Variants in PCDH15 observed in about 807,000 individuals in gnomAD.
PCDH15 encodes protocadherin related 15, also known as protocadherin-15.
PCDH15 carries 129 observed loss-of-function variants against 178.5 expected under a neutral mutation model. The ratio of observed to expected loss-of-function variants is 0.72; its 90% CI spans 0.63 to 0.84. The LOEUF (loss-of-function observed/expected upper bound fraction) is 0.84, where lower values mean the gene tolerates loss of function less well. PCDH15 is among the 40% of genes least tolerant of loss of function. The probability of loss-of-function intolerance (pLI) is 0.00; values close to 1 mark genes in which losing one functional copy is unlikely to be tolerated. For missense variants in PCDH15, 2,230 were observed against 2,099.9 expected, an observed-to-expected ratio of 1.06 and a Z score of -1.21; for synonymous variants, 800 against 732.0, an observed-to-expected ratio of 1.09 and a Z score of -1.50.
intron 2 of PCDH15, among the ~76,000 whole-genome samples, chr10:54,625,756 CA>C (rs1191590016): frequency 6.6e-6 from 1 of 152,048 alleles, no homozygotes; most frequent in African/African-American, 2.4e-5. Context: ...AAATTGGTAC[CA>C]GTAGAGTGAA....
chr10:54,676,352 C>T (rs1259351998), intron 1 of PCDH15, among the ~76,000 whole-genome samples: 1 of 151,922 alleles, frequency 6.6e-6, no homozygotes, highest in Non-Finnish European at 1.5e-5. Flanking sequence ...ATCCCTATGT[C>T]TGAGTATACT....
chr10:54,961,431 A>G (rs1308338696), intron 2 of PCDH15, among the ~76,000 whole-genome samples: 1 of 152,190 alleles, frequency 6.6e-6, no homozygotes, highest in Non-Finnish European at 1.5e-5. Context: ...AGGTGGGAAT[A>G]GGCAGGTTTT....
intron 2 of PCDH15, among the ~76,000 whole-genome samples, chr10:55,539,817 G>T (rs888579063): frequency 6.6e-6 from 1 of 151,986 alleles, no homozygotes; most frequent in Non-Finnish European, 1.5e-5. Flanking sequence ...ATTCTAATAT[G>T]TTGCATAATA....
At chr10:55,415,169 T>G (rs1487320563) in intron 2 of PCDH15, among the ~76,000 whole-genome samples, 1 of 151,730 alleles carries the variant, frequency 6.6e-6, no homozygotes, top group Non-Finnish European at 1.5e-5. Context: ...ATTGAAATGA[T>G]TATGTAGTTT....
chr10:54,590,705 A>C (rs2091828070), intron 2 of PCDH15, among the ~76,000 whole-genome samples: 1 of 152,154 alleles, frequency 6.6e-6, no homozygotes, highest in African/African-American at 2.4e-5. Flanking sequence ...GGCAGAGAGA[A>C]GAGCAGAGTA....
chr10:54,468,597 T>C (rs1406493757), intron 3 of PCDH15, among the ~76,000 whole-genome samples: 2 of 152,218 alleles, frequency 1.3e-5, no homozygotes, highest in Non-Finnish European at 2.9e-5. Flanking sequence ...TTCTATGTGC[T>C]GATCAGAAGA....
At chr10:55,364,041 C>G (rs1286204126) in intron 2 of PCDH15, among the ~76,000 whole-genome samples, 1 of 152,030 alleles carries the variant, frequency 6.6e-6, no homozygotes, top group Non-Finnish European at 1.5e-5. Flanking sequence ...GGGTGGTTTC[C>G]CCCATGCTGT....
upstream of PCDH15, among the ~76,000 whole-genome samples, chr10:55,322,032 T>C (rs1843914662): frequency 6.6e-6 from 1 of 152,112 alleles, no homozygotes; most frequent in African/African-American, 2.4e-5. Flanking sequence ...TTTGTCTGAG[T>C]CCCCACCCAA....
intron 2 of PCDH15, among the ~76,000 whole-genome samples, chr10:55,095,840 T>C (rs1197269695): frequency 6.6e-6 from 1 of 152,102 alleles, no homozygotes; most frequent in African/African-American, 2.4e-5. Context: ...TGTAAATACC[T>C]TGAAGGATTC....
At chr10:55,144,062 A>G (rs752751973) in intron 2 of PCDH15, among the ~76,000 whole-genome samples, 3 of 151,950 alleles carry the variant, frequency 2.0e-5, no homozygotes, top group Non-Finnish European at 4.4e-5. Context: ...TATTCCATGT[A>G]GAAGTTTGAT....
intron 1 of PCDH15, among the ~76,000 whole-genome samples, chr10:54,687,416 G>A (rs371947094): frequency 1.3e-4 from 20 of 152,152 alleles, no homozygotes; most frequent in African/African-American, 4.8e-4. Flanking sequence ...CAACCTAAAT[G>A]TCCATCAACA....
intron 30 of PCDH15, 95 bp downstream of exon 30, chr10:53,831,220 A>G (rs1193966512): frequency 1.3e-5 from 15 of 1,116,476 alleles, no homozygotes; most frequent in East Asian, 9.4e-5. Context: ...TAGTTGCACC[A>G]TCAATATTTT....
intron 8 of PCDH15, among the ~76,000 whole-genome samples, chr10:54,257,133 A>G (rs1303152261): frequency 1.3e-5 from 2 of 151,696 alleles, no homozygotes; most frequent in African/African-American, 4.9e-5. Flanking sequence ...TAACTGATGG[A>G]CTGATTTTTT....
intron 23 of PCDH15, among the ~76,000 whole-genome samples, chr10:53,952,791 G>A (rs544849792): frequency 6.6e-6 from 1 of 152,356 alleles, no homozygotes; most frequent in African/African-American, 2.4e-5. Context: ...ATGCTCATTG[G>A]TGCCCAAAGT....
chr10:55,383,045 T>G (rs1837574641), intron 2 of PCDH15, among the ~76,000 whole-genome samples: 1 of 152,150 alleles, frequency 6.6e-6, no homozygotes, highest in South Asian at 2.1e-4. Flanking sequence ...GGTTCTAACT[T>G]GGCCTCCAGG....
In PCDH15 at chr10:53,806,482, AT is replaced by A; in HGVS notation, c.*96del. The A allele has an allele frequency of 2.8e-6, 3 of 1,058,602 alleles. No individual in the cohort carries two copies. The highest frequency in any genetic ancestry group is 4.0e-6 in the Non-Finnish European group (3 of 743,908). 65.6% of individuals were successfully genotyped at this position (1,058,602 alleles called of 1,614,324 possible). A position where few individuals can be genotyped will look rare whatever the true frequency, so the allele number is the denominator to read the frequency against. On this transcript the variant is annotated 3_prime_UTR_variant, in exon 38 of 38. Transcript: ENST00000644397. ...TTCAAAGTTTTAGCTTGTGTGCATG[AT>A]ATAAATTCCATACATTGTTTTCTCA...
At chr10:54,411,105 AG>A (rs1445617622) in intron 3 of PCDH15, among the ~76,000 whole-genome samples, 1 of 152,152 alleles carries the variant, frequency 6.6e-6, no homozygotes, top group Non-Finnish European at 1.5e-5. Context: ...TCAAGTAAAA[AG>A]CACCTGCCGC....
chr10:55,221,442 T>C (rs1840872411), intron 1 of PCDH15, among the ~76,000 whole-genome samples: 2 of 152,152 alleles, frequency 1.3e-5, no homozygotes, highest in African/African-American at 4.8e-5. Flanking sequence ...GTAAACTGTT[T>C]TTGCTGATGT....
At chr10:54,461,285 A>G (rs981214157) in intron 3 of PCDH15, among the ~76,000 whole-genome samples, 1 of 152,164 alleles carries the variant, frequency 6.6e-6, no homozygotes, top group African/African-American at 2.4e-5. Context: ...ATTAACTCAG[A>G]AAATCATTTA....
Sources: gnomAD v4.1 joint callset for allele counts (sites outside exome capture counted in the v4.1 genomes callset) on GRCh38, gnomAD v4.1.1 for gene constraint, MANE v1.5 for transcripts, NCBI Gene and HGNC (gene_info 2026-07-23, HGNC 2026-07-21) for gene names.